The following RBFOX1 variants were observed in gnomAD, a reference collection of about 807,000 sequenced individuals.
RBFOX1 encodes RNA binding fox-1 homolog 1.
RBFOX1 carries 8 observed loss-of-function variants against 57.7 expected under a neutral mutation model. The ratio of observed to expected loss-of-function variants is 0.14; its 90% CI spans 0.08 to 0.25. RBFOX1 has a LOEUF of 0.25. Among genes scored for constraint, RBFOX1 ranks in the 10% least tolerant of loss-of-function variants. The probability of loss-of-function intolerance (pLI) is 1.00; values close to 1 mark genes in which losing one functional copy is unlikely to be tolerated. For missense variants in RBFOX1, 611 were observed against 548.5 expected (o/e 1.11, Z -1.14); for synonymous variants, 326 against 222.4 (o/e 1.47, Z -4.15).
intron 4 of RBFOX1, among the ~76,000 whole-genome samples, chr16:5,870,400 A>G (rs545614234): frequency 3.4e-5 from 5 of 147,994 alleles, no homozygotes; most frequent in Middle Eastern, 3.2e-3. Flanking sequence ...AAATGAAGGC[A>G]CTTGGCAAGA....
At chr16:6,942,219 A>T (rs2078663790) in intron 3 of RBFOX1, among the ~76,000 whole-genome samples, 1 of 152,160 alleles carries the variant, frequency 6.6e-6, no homozygotes, top group Admixed American at 6.5e-5. Flanking sequence ...AACCTGGGTG[A>T]CAGTGAACCA....
chr16:6,294,653 G>A (rs994091793), intron 1 of RBFOX1, among the ~76,000 whole-genome samples: 3 of 152,146 alleles, frequency 2.0e-5, no homozygotes, highest in Admixed American at 1.3e-4. Flanking sequence ...AAAGTAACTG[G>A]ATGATGAAGA....
At chr16:5,282,369 GC>G (rs1413864745) in intron 1 of RBFOX1, among the ~76,000 whole-genome samples, 1 of 152,202 alleles carries the variant, frequency 6.6e-6, no homozygotes, top group Non-Finnish European at 1.5e-5. Flanking sequence ...GTGGGGTGTT[GC>G]TAAAAGATAC....
chr16:6,245,805 A>C (rs1330661286), intron 1 of RBFOX1, among the ~76,000 whole-genome samples: 1 of 152,194 alleles, frequency 6.6e-6, no homozygotes, highest in Non-Finnish European at 1.5e-5. Flanking sequence ...TTTGAAGCCA[A>C]AGCCACTACA....
At chr16:7,434,420 C>T (rs567969759) in intron 4 of RBFOX1, among the ~76,000 whole-genome samples, 4 of 151,738 alleles carry the variant, frequency 2.6e-5, no homozygotes, top group Admixed American at 6.6e-5. Context: ...TGCAGTGAGC[C>T]GAGATAGCAC....
intron 4 of RBFOX1, among the ~76,000 whole-genome samples, chr16:5,970,149 G>A (rs926223339): frequency 1.3e-5 from 2 of 152,150 alleles, no homozygotes; most frequent in Non-Finnish European, 2.9e-5. Flanking sequence ...CTGTCACATA[G>A]AGGAGGGTAG....
chr16:7,107,863 G>A (rs11077138), intron 4 of RBFOX1, among the ~76,000 whole-genome samples: 26,259 of 151,934 alleles, frequency 0.17, 2,526 homozygotes, highest in East Asian at 0.43. Context: ...TTCTCTACCC[G>A]TGGTCTAAAA....
At chr16:7,425,905 C>A (rs2098606033) in intron 4 of RBFOX1, among the ~76,000 whole-genome samples, 1 of 151,998 alleles carries the variant, frequency 6.6e-6, no homozygotes, top group Non-Finnish European at 1.5e-5. Context: ...TCATTTTTTC[C>A]CCATAAAGCC....
chr16:7,335,987 G>A (rs2096779603), intron 4 of RBFOX1, among the ~76,000 whole-genome samples: 2 of 152,218 alleles, frequency 1.3e-5, no homozygotes, highest in African/African-American at 4.8e-5. Context: ...ATTCCCAAGT[G>A]CATTGTACAA....
chr16:6,495,112 G>C (rs1163145653), intron 2 of RBFOX1, among the ~76,000 whole-genome samples: 1 of 151,836 alleles, frequency 6.6e-6, no homozygotes, highest in Non-Finnish European at 1.5e-5. Flanking sequence ...GCTTTCTTTT[G>C]TTTGTTTATT....
At chr16:7,388,850 C>A (rs1047617971) in intron 4 of RBFOX1, among the ~76,000 whole-genome samples, 4 of 151,884 alleles carry the variant, frequency 2.6e-5, no homozygotes, top group African/African-American at 4.8e-5. Context: ...CTATGATGTT[C>A]AGTAGGTTAG....
chr16:5,991,645 G>GTTT (rs60004233), intron 4 of RBFOX1, among the ~76,000 whole-genome samples: 9 of 123,932 alleles, frequency 7.3e-5, no homozygotes, highest in Non-Finnish European at 1.1e-4. Flanking sequence ...TTATTAGATA[G>GTTT]TTTTTTTTTT....
At chr16:7,246,633 CTTT>C (rs56654382) in intron 4 of RBFOX1, among the ~76,000 whole-genome samples, 27,659 of 105,200 alleles carry the variant, frequency 0.26, 3,043 homozygotes, top group Middle Eastern at 0.37. Context: ...TGGTCACCTC[CTTT>C]TTTTTTTTTT....
At chr16:6,440,749 C>T (rs1470872831) in intron 2 of RBFOX1, among the ~76,000 whole-genome samples, 5 of 148,106 alleles carry the variant, frequency 3.4e-5, no homozygotes, top group Non-Finnish European at 5.9e-5. Flanking sequence ...TTCAATGAGC[C>T]GAGATCGTGC....
intron 4 of RBFOX1, among the ~76,000 whole-genome samples, chr16:7,307,377 A>C (rs1453397739): frequency 6.6e-6 from 1 of 152,214 alleles, no homozygotes; most frequent in African/African-American, 2.4e-5. Context: ...ATAAAAACAA[A>C]AATCAATTGG....
intron 4 of RBFOX1, among the ~76,000 whole-genome samples, chr16:7,501,441 C>T (rs1054200634): frequency 1.3e-5 from 2 of 152,198 alleles, no homozygotes; most frequent in African/African-American, 4.8e-5. Flanking sequence ...TGATCATTCA[C>T]TCTGTGCTTG....
At chr16:5,541,255 C>G (rs1438061993) in intron 2 of RBFOX1, among the ~76,000 whole-genome samples, 1 of 152,084 alleles carries the variant, frequency 6.6e-6, no homozygotes, top group Non-Finnish European at 1.5e-5. Flanking sequence ...ATGTCTTGCT[C>G]TAATGCTTTG....
intron 3 of RBFOX1, among the ~76,000 whole-genome samples, chr16:5,623,081 C>T (rs2048246775): frequency 6.6e-6 from 1 of 152,174 alleles, no homozygotes. Flanking sequence ...ACCAACCCCT[C>T]ATGAACACCA....
intron 1 of RBFOX1, among the ~76,000 whole-genome samples, chr16:5,365,457 C>T (rs1207364093): frequency 1.3e-5 from 2 of 152,132 alleles, no homozygotes; most frequent in African/African-American, 4.8e-5. Flanking sequence ...CACATGAGGC[C>T]AGGAGTTTGA....
Sources: allele counts gnomAD v4.1 joint callset (sites outside exome capture counted in the v4.1 genomes callset), GRCh38; gene constraint gnomAD v4.1.1; transcripts MANE v1.5; gene names NCBI Gene and HGNC (gene_info 2026-07-23, HGNC 2026-07-21).